CD200R1: variants seen among roughly 807,000 people sequenced by gnomAD.
The protein encoded by CD200R1 is CD200 receptor 1.
Under a neutral mutation model 38.1 loss-of-function variants are expected in CD200R1, and 30 were observed. The observed-to-expected ratio is 0.79, with a 90% confidence interval of 0.59 to 1.07. The LOEUF (loss-of-function observed/expected upper bound fraction) is 1.07. Ranked by LOEUF, CD200R1 falls within the 50% of genes least tolerant of loss-of-function variation. The pLI is 0.00. For missense variants in CD200R1, 372 were observed against 415.4 expected (o/e 0.90, Z 0.91); for synonymous variants, 128 against 152.1 (o/e 0.84, Z 1.16).
chr3:112,969,928 T>G (rs1265828361), intron 1 of CD200R1, among the ~76,000 whole-genome samples: 1 of 152,106 alleles, frequency 6.6e-6, no homozygotes, highest in Non-Finnish European at 1.5e-5. Context: ...TTCCAACACT[T>G]TGGGAGGCCA....
At chr3:112,935,163 A>T (rs1482358133) in intron 2 of CD200R1, among the ~76,000 whole-genome samples, 1 of 152,206 alleles carries the variant, frequency 6.6e-6, no homozygotes, top group Non-Finnish European at 1.5e-5. Context: ...TCAACACCCT[A>T]CTTTCAGCAT....
Position 112,931,281 on chromosome 3 carries a change from T to C in CD200R1, c.137-110A>G, listed in dbSNP as rs145552302. On this transcript the variant is annotated intron_variant, in intron 2 of 7. Transcript: ENST00000308611. ...AACATGATAGGCAATCAGTTAACCATAATTAAAATTACACAAAAATCATTG... is the reference window on the plus strand; with the variant it reads ...AACATGATAGGCAATCAGTTAACCACAATTAAAATTACACAAAAATCATTG... The C allele has an allele frequency of 4.9e-6, 3 of 613,486 alleles. No individual in the cohort carries two copies. The African/African-American group carries it at 5.5e-5, about 11-fold the overall frequency. The allele number at this position is 613,486 out of a possible 1,614,324, so 38.0% of individuals were successfully genotyped here. A position where few individuals can be genotyped will look rare whatever the true frequency, so the allele number is the denominator to read the frequency against.
chr3:112,934,045 A>G (rs1284614179), intron 2 of CD200R1, among the ~76,000 whole-genome samples: 1 of 152,118 alleles, frequency 6.6e-6, no homozygotes, highest in African/African-American at 2.4e-5. Context: ...AAGAAAGAAA[A>G]AGGCACAGAA....
At chr3:112,954,650 A>T (rs1941046798) in intron 1 of CD200R1, among the ~76,000 whole-genome samples, 1 of 152,214 alleles carries the variant, frequency 6.6e-6, no homozygotes, top group Non-Finnish European at 1.5e-5. Context: ...AAAAACCCAA[A>T]GGACTGCATT....
chr3:112,928,948 G>T lies in CD200R1; in HGVS notation c.637C>A (p.Gln213Lys), dbSNP rs1258244789. The stretch of plus-strand genomic sequence containing the variant: ...ACTGTGCCATTGCTCCAGTATTCTT[G>T]CTTAGTGGCACAATCGCCCTCTGGG... ...WIPEGDCATK[Q>K]EYWSNGTVTV... is the part of the protein sequence containing the mutation. Residue 213 changes from glutamine (Q) to lysine (K), a missense_variant, in exon 5 of 8, where the codon CAA (glutamine) becomes AAA (lysine). Gln to Lys is a moderately conservative substitution (Grantham distance 53, BLOSUM62 1). Transcript: ENST00000308611. 6 of 1,614,022 alleles carry T rather than the reference G, an allele frequency of 3.7e-6. No individual in the cohort carries two copies. The highest frequency in any genetic ancestry group is 5.1e-6 in the Non-Finnish European group (6 of 1,179,982).
intron 1 of CD200R1, among the ~76,000 whole-genome samples, chr3:112,969,962 A>T (rs539063407): frequency 3.3e-5 from 5 of 152,218 alleles, no homozygotes; most frequent in African/African-American, 1.2e-4. Flanking sequence ...GCTTGAACCC[A>T]GGAGTTCAAG....
In CD200R1 at chr3:112,974,880, C is replaced by G; in HGVS notation, c.-23G>C. ...CATTTCTGTTTTCTCTTTTTCTGCC[C>G]TTCACTCAGTACTTTTCCTCCACAC... On this transcript the variant is annotated 5_prime_UTR_variant, in exon 1 of 8. Transcript: ENST00000308611. 6.2e-7 allele frequency: 1 copy of G among 1,600,758 alleles called. No individual in the cohort carries two copies. The highest frequency in any genetic ancestry group is 8.6e-7 in the Non-Finnish European group (1 of 1,168,484).
intron 1 of CD200R1, among the ~76,000 whole-genome samples, chr3:112,959,122 T>C (rs1932944536): frequency 6.6e-6 from 1 of 152,162 alleles, no homozygotes; most frequent in Non-Finnish European, 1.5e-5. Flanking sequence ...TTCTGCAACG[T>C]CACCATTCCT....
At chr3:112,926,371 A>T (rs6770507) in intron 5 of CD200R1, among the ~76,000 whole-genome samples, 19,319 of 152,146 alleles carry the variant, frequency 0.13, 1,674 homozygotes, top group African/African-American at 0.23. Context: ...GAATTTCTCC[A>T]TATGTTATAT....
intron 1 of CD200R1, among the ~76,000 whole-genome samples, chr3:112,956,137 A>G (rs939487741): frequency 2.0e-5 from 3 of 152,036 alleles, no homozygotes; most frequent in Admixed American, 1.3e-4. Flanking sequence ...TTGAACTCCA[A>G]TGACTCAAAC....
At chr3:112,969,064 A>G (rs1166536969) in intron 1 of CD200R1, among the ~76,000 whole-genome samples, 1 of 152,230 alleles carries the variant, frequency 6.6e-6, no homozygotes, top group East Asian at 1.9e-4. Context: ...TAGTGACATA[A>G]AGAAATATAT....
intron 1 of CD200R1, among the ~76,000 whole-genome samples, chr3:112,953,275 T>C (rs1293321557): frequency 6.6e-6 from 1 of 152,350 alleles, no homozygotes; most frequent in African/African-American, 2.4e-5. Context: ...TTGTGTATGT[T>C]GATCCTTACA....
chr3:112,931,797 G>C (rs769038453), intron 2 of CD200R1, among the ~76,000 whole-genome samples: 1 of 152,010 alleles, frequency 6.6e-6, no homozygotes, highest in South Asian at 2.1e-4. Context: ...GATTCTACTG[G>C]AGTATCAAAG....
At chr3:112,941,223 G>A (rs1296346479) in intron 2 of CD200R1, among the ~76,000 whole-genome samples, 1 of 151,568 alleles carries the variant, frequency 6.6e-6, no homozygotes, top group African/African-American at 2.4e-5. Context: ...GGATGAGCAA[G>A]TTCTATTGTT....
chr3:112,957,174 C>T (rs891755623), intron 1 of CD200R1, among the ~76,000 whole-genome samples: 1 of 152,118 alleles, frequency 6.6e-6, no homozygotes, highest in Non-Finnish European at 1.5e-5. Context: ...AAACTGACGT[C>T]CTCTTCAATA....
In CD200R1 at chr3:112,955,933, A is replaced by T. The variant is rs2895399; in HGVS notation, c.68-8009T>A. On this transcript the variant is annotated intron_variant, in intron 1 of 7. Coordinates refer to ENST00000308611, the MANE Select transcript of CD200R1 (RefSeq NM_138806.4). ...CTTCTTTTCTTTTGCTGCCTTCAGG[A>T]TCCTCTCTCTGCCTCTGATTTTTGA... Among the ~76,000 whole-genome samples, 747 of 151,508 alleles carry T rather than the reference A, an allele frequency of 4.9e-3. 6 individuals carry two copies. Among genetic ancestry groups the T allele is most frequent in the African/African-American group, 0.017 (693 of 41,290 alleles).
chr3:112,963,437 G>C (rs984619890), intron 1 of CD200R1, among the ~76,000 whole-genome samples: 1 of 152,206 alleles, frequency 6.6e-6, no homozygotes, highest in Non-Finnish European at 1.5e-5. Context: ...TCCAGGCTTA[G>C]GTGGTCTCAG....
chr3:112,971,392 G>A (rs1933306165), intron 1 of CD200R1, among the ~76,000 whole-genome samples: 1 of 152,100 alleles, frequency 6.6e-6, no homozygotes, highest in Non-Finnish European at 1.5e-5. Context: ...ACAGAGGGCT[G>A]ACTGTATTTC....
intron 1 of CD200R1, among the ~76,000 whole-genome samples, chr3:112,957,481 CA>C (rs909401854): frequency 4.8e-4 from 73 of 151,682 alleles, no homozygotes; most frequent in Non-Finnish European, 8.2e-4. Flanking sequence ...TACACATACA[CA>C]AAAAAAATTA....
Sources: gnomAD v4.1 joint callset for allele counts (sites outside exome capture counted in the v4.1 genomes callset) on GRCh38, gnomAD v4.1.1 for gene constraint, MANE v1.5 for transcripts, NCBI Gene and HGNC (gene_info 2026-07-23, HGNC 2026-07-21) for gene names.